The following TAS2R1 variants were observed in gnomAD, a reference collection of about 807,000 sequenced individuals.
TAS2R1 encodes taste 2 receptor member 1.
For missense variants in TAS2R1, 370 were observed against 353.4 expected (o/e 1.05, Z -0.38); for synonymous variants, 141 against 134.2 (o/e 1.05, Z -0.35).
the TAS2R1 span, among the ~76,000 whole-genome samples, chr5:9,901,899 C>T: frequency 9.2e-5 from 14 of 152,104 alleles, no homozygotes; most frequent in African/African-American, 3.4e-4. Flanking sequence ...CCATGAATAG[C>T]TGCTTCAGCA....
At chr5:9,870,432 T>G in the TAS2R1 span, among the ~76,000 whole-genome samples, 1 of 152,218 alleles carries the variant, frequency 6.6e-6, no homozygotes, top group Non-Finnish European at 1.5e-5. Flanking sequence ...TACCCTCCCA[T>G]GAAAAGGTAT....
At chr5:9,677,118 A>C (rs1421488977) in intron 1 of TAS2R1, among the ~76,000 whole-genome samples, 1 of 152,210 alleles carries the variant, frequency 6.6e-6, no homozygotes, top group East Asian at 1.9e-4. Flanking sequence ...ACACGGATGG[A>C]GCTGGAAACC....
chr5:9,776,903 A>C, the TAS2R1 span, among the ~76,000 whole-genome samples: 1 of 152,268 alleles, frequency 6.6e-6, no homozygotes, highest in South Asian at 2.1e-4. Context: ...TTCCAAGTGC[A>C]TATAGAAATT....
Position 9,690,447 on chromosome 5 carries a change from C to T in TAS2R1, c.-242+21725G>A, listed in dbSNP as rs552533163. ...ACAGGTCATGGTCCCTGGATATGTG[C>T]AATGTGGTGGCCCTAACATGCTTTT... On this transcript the variant is annotated intron_variant, in intron 1 of 2. Coordinates refer to the TAS2R1 transcript ENST00000506620. Among the ~76,000 whole-genome samples, 3 of 152,178 alleles carry T rather than the reference C, an allele frequency of 2.0e-5. No individual in the cohort carries two copies. The South Asian group carries it at 6.2e-4, about 32-fold the overall frequency.
chr5:9,821,029 G>A, the TAS2R1 span, among the ~76,000 whole-genome samples: 23 of 152,262 alleles, frequency 1.5e-4, no homozygotes, highest in African/African-American at 5.5e-4. Flanking sequence ...TCTGGCCAAG[G>A]ATATCTCAGG....
the TAS2R1 span, among the ~76,000 whole-genome samples, chr5:9,778,170 A>T: frequency 2.0e-5 from 3 of 152,096 alleles, no homozygotes; most frequent in Admixed American, 1.3e-4. Context: ...GTGAGCCACC[A>T]CGCCCGGCGG....
chr5:9,893,894 A>C, the TAS2R1 span, among the ~76,000 whole-genome samples: 4 of 152,240 alleles, frequency 2.6e-5, no homozygotes, highest in African/African-American at 9.6e-5. Flanking sequence ...CTGCCAAAAC[A>C]CAGTACCTAA....
At chr5:9,742,358 C>T in the TAS2R1 span, among the ~76,000 whole-genome samples, 5 of 152,168 alleles carry the variant, frequency 3.3e-5, no homozygotes, top group African/African-American at 9.7e-5. Context: ...ATCCCTGCTC[C>T]TAAGTTCCAT....
chr5:9,805,300 G>A, the TAS2R1 span, among the ~76,000 whole-genome samples: 209 of 152,090 alleles, frequency 1.4e-3, no homozygotes, highest in African/African-American at 4.6e-3. Flanking sequence ...ATTCACAGCC[G>A]AATTCTATCA....
At chr5:9,731,642 CA>C in the TAS2R1 span, among the ~76,000 whole-genome samples, 1 of 152,370 alleles carries the variant, frequency 6.6e-6, no homozygotes, top group East Asian at 1.9e-4. Flanking sequence ...ACTCATCTTT[CA>C]AATACAGCCA....
the TAS2R1 span, among the ~76,000 whole-genome samples, chr5:9,756,855 G>A: frequency 6.6e-6 from 1 of 152,250 alleles, no homozygotes; most frequent in South Asian, 2.1e-4. Context: ...TAATCAATGT[G>A]ACAAGAAAAT....
At chr5:9,670,021 A>G (rs968876595) in intron 1 of TAS2R1, among the ~76,000 whole-genome samples, 2 of 152,150 alleles carry the variant, frequency 1.3e-5, no homozygotes, top group African/African-American at 2.4e-5. Flanking sequence ...GAATAATTTT[A>G]AAAGAGAGAA....
the TAS2R1 span, among the ~76,000 whole-genome samples, chr5:9,760,223 A>G: frequency 6.6e-6 from 1 of 152,220 alleles, no homozygotes; most frequent in Non-Finnish European, 1.5e-5. Context: ...CAAAACAGAA[A>G]GGACCTGGCT....
the TAS2R1 span, among the ~76,000 whole-genome samples, chr5:9,891,091 A>T: frequency 1.3e-5 from 2 of 152,174 alleles, no homozygotes; most frequent in Non-Finnish European, 2.9e-5. Context: ...TTCTCTCTCT[A>T]GTCTACCTCA....
the TAS2R1 span, among the ~76,000 whole-genome samples, chr5:9,740,644 C>T: frequency 6.6e-6 from 1 of 152,180 alleles, no homozygotes; most frequent in Non-Finnish European, 1.5e-5. Context: ...AACACACAAG[C>T]GTTTTTGAGT....
At chr5:9,680,265 A>C (rs1740967526) in intron 1 of TAS2R1, among the ~76,000 whole-genome samples, 1 of 152,224 alleles carries the variant, frequency 6.6e-6, no homozygotes, top group Non-Finnish European at 1.5e-5. Context: ...TAGTAATTAC[A>C]TACATTTATA....
chr5:9,664,512 T>A (rs942493441), intron 1 of TAS2R1, among the ~76,000 whole-genome samples: 1 of 152,186 alleles, frequency 6.6e-6, no homozygotes, highest in Non-Finnish European at 1.5e-5. Context: ...ACGATTTCCA[T>A]TTTCTTTGCT....
Position 9,629,244 on chromosome 5 carries a change from G to T in TAS2R1, c.789C>A (p.Ile263=), listed in dbSNP as rs770607162. The part of the protein sequence containing the change: ...HIRRFIFLFF[I]LVIGIYPSGH... Reference sequence around the variant, plus strand: ...CAGAAGGGTATATACCAATCACAAGGATGAAGAACAGAAAGATGAACCTTC... The same window carrying T: ...CAGAAGGGTATATACCAATCACAAGTATGAAGAACAGAAAGATGAACCTTC... Residue 263 remains isoleucine, a synonymous_variant, in exon 1 of 1, where the codon ATC becomes ATA. Coordinates refer to ENST00000382492, the MANE Select transcript of TAS2R1 (RefSeq NM_019599.3). The T allele has an allele frequency of 2.5e-6, 4 of 1,613,862 alleles. No homozygotes were observed. In the South Asian group the frequency reaches 4.4e-5, roughly 18 times the overall value.
the TAS2R1 span, among the ~76,000 whole-genome samples, chr5:9,840,853 ATTTATTTTTTTTTTTTTTTTTT>A: frequency 1.8e-3 from 36 of 19,612 alleles, no homozygotes; most frequent in African/African-American, 4.6e-3. Flanking sequence ...TTATTTATTT[ATTTATTTTTTTTTTTTTTTTTT>A]TTTTTTTTTT....
Sources: allele counts gnomAD v4.1 joint callset (sites outside exome capture counted in the v4.1 genomes callset), GRCh38; gene constraint gnomAD v4.1.1; transcripts MANE v1.5; gene names NCBI Gene and HGNC (gene_info 2026-07-23, HGNC 2026-07-21).